The following ABCA5 variants were observed in gnomAD, a reference collection of about 807,000 sequenced individuals.
ABCA5 encodes the protein ATP binding cassette subfamily A member 5, also known as cholesterol transporter ABCA5.
In ABCA5, 163 loss-of-function variants were observed where a neutral mutation model predicts 206.0. The observed-to-expected ratio is 0.79, with a 90% CI of 0.70 to 0.90. ABCA5 has a LOEUF of 0.90. Ranked by LOEUF, ABCA5 falls within the 40% of genes least tolerant of loss-of-function variation. The pLI is 0.00. For synonymous variants in ABCA5, 609 were observed against 613.8 expected, an observed-to-expected ratio of 0.99 and a Z score of 0.11; for missense variants, 1,859 against 1,912.9, an observed-to-expected ratio of 0.97 and a Z score of 0.53.
rs57367176 is a variant in ABCA5 at position 69,291,217 on chromosome 17, A to G, written c.1605T>C (p.Asp535=). 0.043 allele frequency: 67,091 copies of G among 1,573,182 alleles called. 1,733 individuals are homozygous for G. Among genetic ancestry groups the G allele is most frequent in the South Asian group, 0.079 (6,504 of 82,778 alleles). ...TTTTCTTTAAGACAGAAAACTCACC[A>G]TCAGAAGGTGGGCAGAGTCCACAAA... ...NILCGLCPPS[D]GFASIYGHRV... is the part of the protein sequence containing the mutation. Residue 535 remains aspartate (D), a splice_region_variant and synonymous_variant, in exon 12 of 39, where the codon GAT becomes GAC. Transcript: ENST00000392676.
In ABCA5 at chr17:69,254,687, T is replaced by A. The variant is rs2075054934; in HGVS notation, c.4069-197A>T. Among the ~76,000 whole-genome samples the A allele has an allele frequency of 3.3e-5, 5 of 152,106 alleles. No homozygotes were observed. The South Asian group carries it at 1.0e-3, about 32-fold the overall frequency. On this transcript the variant is annotated intron_variant, in intron 31 of 38. Coordinates refer to ENST00000392676, the MANE Select transcript of ABCA5 (RefSeq NM_172232.4). ...TGCCACCATGCCTGGCTATTGCTTT[T>A]TTCTTTTTTGAATTTTAGGAGGGAA...
intron 9 of ABCA5, among the ~76,000 whole-genome samples, chr17:69,298,856 C>A (rs2075620235): frequency 1.3e-5 from 2 of 152,088 alleles, no homozygotes; most frequent in Non-Finnish European, 1.5e-5. Context: ...TTCTCCATAG[C>A]AAAAGAAATA....
chr17:69,255,487 TGTTA>T, intron 31 of ABCA5, 52 bp downstream of exon 31: 2 of 1,120,006 alleles, frequency 1.8e-6, no homozygotes, highest in Non-Finnish European at 2.4e-6. Flanking sequence ...TAAAAGTTTA[TGTTA>T]ATTAACAATA....
At chr17:69,264,620 TTTTC>T (rs948619165) in intron 24 of ABCA5, 111 bp downstream of exon 24, 37 of 671,102 alleles carry the variant, frequency 5.5e-5, no homozygotes, top group Non-Finnish European at 7.5e-5. Flanking sequence ...ACTTGCTCTA[TTTTC>T]TTTAACAAAT....
rs9906638 is a variant in ABCA5, at chr17:69,279,430, C to T, written c.2393-1588G>A. Among the ~76,000 whole-genome samples, 342 of 152,004 alleles carry T rather than the reference C, an allele frequency of 2.2e-3. 3 individuals are homozygous for T. The highest frequency in any genetic ancestry group is 7.5e-3 in the African/African-American group (312 of 41,442). ...ATTCCATGCTCATGGGTAGGAAGAA[C>T]CAATATCGTGAAAATGGCCATACTG... On this transcript the variant is annotated intron_variant, in intron 18 of 38. Coordinates refer to ENST00000392676, the MANE Select transcript of ABCA5 (RefSeq NM_172232.4).
intron 3 of ABCA5, among the ~76,000 whole-genome samples, chr17:69,310,801 A>T (rs886533730): frequency 1.3e-5 from 2 of 152,254 alleles, no homozygotes; most frequent in African/African-American, 4.8e-5. Context: ...CAGACAGGCG[A>T]TTTGAACTCT....
chr17:69,301,689 T>C (rs1268025610), intron 8 of ABCA5, among the ~76,000 whole-genome samples: 1 of 152,182 alleles, frequency 6.6e-6, no homozygotes, highest in African/African-American at 2.4e-5. Flanking sequence ...TAGGTTAGCA[T>C]CTTTCCAATA....
rs1278194967 is a variant in ABCA5, at chr17:69,268,003, A to T, written c.3084T>A (p.Leu1028=). The stretch of plus-strand genomic sequence containing the variant: ...GTGGCATTGCAGTAACAATGATTCC[A>T]AGCAAAGCTGCTTGAAAATACAGCT... ...KIELYFQAAL[L]GIIVTAMPPY... The change falls in exon 23 of 39, where the codon CTT becomes CTA. Residue 1028 remains leucine, a synonymous_variant. Coordinates refer to ENST00000392676, the MANE Select transcript of ABCA5 (RefSeq NM_172232.4). 6.2e-7 allele frequency: 1 copy of T among 1,611,820 alleles called. No individual in the cohort carries two copies. Among genetic ancestry groups the T allele is most frequent in the Non-Finnish European group, 8.5e-7 (1 of 1,178,574 alleles).
At position 69,255,743 on chromosome 17, in the gene ABCA5, A is replaced by G. The variant is rs200621204; in HGVS notation, c.3966T>C (p.Cys1322=). The G allele has an allele frequency of 2.3e-4, 358 of 1,587,382 alleles. 4 individuals are homozygous for G. The South Asian group carries it at 3.1e-3, about 14-fold the overall frequency. ...AAATTAAATACCAGCCTTTTTTCAC[A>G]CAGAAAGAGATGTATTTAGTTGCCA... ...KKVATKYISF[C]VKKGEILGLL... The change falls in exon 30 of 39, where the codon TGT becomes TGC. Residue 1322 remains cysteine (C), a synonymous_variant. Coordinates refer to ENST00000392676, the MANE Select transcript of ABCA5 (RefSeq NM_172232.4).
chr17:69,290,951 T>C (rs1375291189), intron 12 of ABCA5, among the ~76,000 whole-genome samples: 2 of 152,166 alleles, frequency 1.3e-5, no homozygotes, highest in African/African-American at 2.4e-5. Flanking sequence ...TTATCCTCCC[T>C]TGAAAATGAT....
At chr17:69,305,763 TGA>T (rs895576135) in intron 6 of ABCA5, among the ~76,000 whole-genome samples, 6 of 152,056 alleles carry the variant, frequency 3.9e-5, no homozygotes, top group African/African-American at 1.4e-4. Context: ...CCCAACTACT[TGA>T]GAGACTGAGA....
At position 69,288,267 on chromosome 17, in the gene ABCA5, A is replaced by G. The variant is rs968002128; in HGVS notation, c.1903-516T>C. ...GGAATGTGGCAGGATGGTGGGGATC[A>G]ATAGGAGATCATCCTAGCTGCATGC... On this transcript the variant is annotated intron_variant, in intron 14 of 38. Coordinates refer to ENST00000392676, the MANE Select transcript of ABCA5 (RefSeq NM_172232.4). 8.5e-5 allele frequency among the ~76,000 whole-genome samples: 13 copies of G among 152,248 alleles called. No homozygotes were observed. In the South Asian group the frequency reaches 1.5e-3, roughly 17 times the overall value.
Position 69,323,770 on chromosome 17 carries a change from T to C in ABCA5, c.-16+3282A>G, listed in dbSNP as rs16973912. Reference sequence around the variant, plus strand: ...TTCCTTTATCAAGGCTTCCTGAGAGTCCTTAAAGATCAAGGATGTGCAAAC... The same window carrying C: ...TTCCTTTATCAAGGCTTCCTGAGAGCCCTTAAAGATCAAGGATGTGCAAAC... On this transcript the variant is annotated intron_variant, in intron 1 of 38. Transcript: ENST00000392676. Among the ~76,000 whole-genome samples the C allele has an allele frequency of 9.8e-3, 1,498 of 152,184 alleles. 84 individuals are homozygous for C. In the East Asian group the frequency reaches 0.16, roughly 16 times the overall value.
chr17:69,297,195 T>C lies in ABCA5; in HGVS notation c.1432A>G (p.Ile478Val). 4 of 1,610,998 alleles carry C rather than the reference T, an allele frequency of 2.5e-6. No homozygotes were observed. The highest frequency in any genetic ancestry group is 3.4e-6 in the Non-Finnish European group (4 of 1,179,240). The part of the protein sequence containing the change: ...VSSEFVGKEA[I>V]RISGIQKTYR... ...TTGCCAAAGATTGAACCATACCTTA[T>C]GGCTTCTTTTCCTACAAATTCTGAA... is the stretch of plus-strand genomic sequence containing the variant. The change falls in exon 10 of 39, where the codon ATA becomes GTA. Residue 478 changes from isoleucine (I) to valine (V), a missense_variant. Coordinates refer to ENST00000392676, the MANE Select transcript of ABCA5 (RefSeq NM_172232.4).
rs74785464 is a variant in ABCA5 at position 69,257,074 on chromosome 17, G to C, written c.3732-791C>G. On this transcript the variant is annotated intron_variant, in intron 28 of 38. Transcript: ENST00000392676. ...GACATAATGGAAAACAAAGGAACAAGAAAAATGTGGCCAGGCGCAGTGGCT... is the reference window on the plus strand; with the variant it reads ...GACATAATGGAAAACAAAGGAACAACAAAAATGTGGCCAGGCGCAGTGGCT... Among the ~76,000 whole-genome samples, 382 of 152,008 alleles carry C rather than the reference G, an allele frequency of 2.5e-3. 2 individuals are homozygous for C. The highest frequency in any genetic ancestry group is 8.7e-3 in the African/African-American group (362 of 41,468).
Position 69,306,877 on chromosome 17 carries a change from T to C in ABCA5, c.636A>G (p.Glu212=), listed in dbSNP as rs2075723107. Residue 212 remains glutamate, a synonymous_variant, in exon 6 of 39, where the codon GAA becomes GAG. Transcript: ENST00000392676. ...AVIMGETAVV[E]IDTFPRGVIL... is the part of the protein sequence containing the mutation. ...TTACTCCTCGGGGAAAGGTATCTAT[T>C]TCTACAACAGCAGTTTCTCCCATAA... 6.2e-7 allele frequency: 1 copy of C among 1,600,732 alleles called. No homozygotes were observed. Among genetic ancestry groups the C allele is most frequent in the Non-Finnish European group, 8.5e-7 (1 of 1,172,898 alleles).
intron 1 of ABCA5, among the ~76,000 whole-genome samples, chr17:69,320,261 A>T (rs1231317242): frequency 6.6e-6 from 1 of 152,220 alleles, no homozygotes; most frequent in Non-Finnish European, 1.5e-5. Context: ...GATAGAAATA[A>T]AAAAGCACTA....
At position 69,270,666 on chromosome 17, in the gene ABCA5, A is replaced by G. The variant is rs2075262465; in HGVS notation, c.2977T>C (p.Tyr993His). ...ATGGTTTCAGTCACATTTAAATGAT[A>G]AAGATAGTAGTTACTAATGATATTC... is the stretch of plus-strand genomic sequence containing the variant. ...LVNIISNYYL[Y>H]HLNVTETIQI... is the part of the protein sequence containing the mutation. The change falls in exon 22 of 39, where the codon TAT becomes CAT. Residue 993 changes from tyrosine (Y) to histidine (H), a missense_variant. Coordinates refer to ENST00000392676, the MANE Select transcript of ABCA5 (RefSeq NM_172232.4). 3 of 1,603,732 alleles carry G rather than the reference A, an allele frequency of 1.9e-6. No individual in the cohort carries two copies. The highest frequency in any genetic ancestry group is 2.6e-6 in the Non-Finnish European group (3 of 1,176,040).
At chr17:69,317,841 G>T (rs1042604825) in intron 1 of ABCA5, 28 of 152,116 alleles carry the variant, frequency 1.8e-4, no homozygotes, top group African/African-American at 6.0e-4. Context: ...CAAAATAGAA[G>T]TGGTCAGAGT....
Sources: gnomAD v4.1 joint callset for allele counts (sites outside exome capture counted in the v4.1 genomes callset) on GRCh38, gnomAD v4.1.1 for gene constraint, MANE v1.5 for transcripts, NCBI Gene and HGNC (gene_info 2026-07-23, HGNC 2026-07-21) for gene names.